The following TMEFF2 variants were observed in gnomAD, a reference collection of about 807,000 sequenced individuals.
TMEFF2 encodes tomoregulin-2.
Under a neutral mutation model 53.8 loss-of-function variants are expected in TMEFF2, and 28 were observed. The observed-to-expected ratio is 0.52, with a 90% CI of 0.39 to 0.71. TMEFF2 has a LOEUF of 0.71. TMEFF2 is among the 30% of genes least tolerant of loss of function. The pLI, the probability that TMEFF2 is intolerant of heterozygous loss-of-function variation, is 0.00. For missense variants in TMEFF2, 353 were observed against 455.2 expected, an observed-to-expected ratio of 0.78 and a Z score of 2.04; for synonymous variants, 162 against 166.3, an observed-to-expected ratio of 0.97 and a Z score of 0.20.
chr2:192,060,427 C>A (rs1474746035), intron 4 of TMEFF2, among the ~76,000 whole-genome samples: 1 of 152,070 alleles, frequency 6.6e-6, no homozygotes, highest in Non-Finnish European at 1.5e-5. Context: ...AACCTTTTAG[C>A]GGGTGGTGAA....
chr2:192,058,033 G>T (rs1687953624), intron 4 of TMEFF2, among the ~76,000 whole-genome samples: 1 of 152,072 alleles, frequency 6.6e-6, no homozygotes, highest in South Asian at 2.1e-4. Context: ...TGAGTTTATT[G>T]GATTCATCAA....
At chr2:192,128,811 A>G (rs1387813752) in intron 4 of TMEFF2, among the ~76,000 whole-genome samples, 2 of 152,222 alleles carry the variant, frequency 1.3e-5, no homozygotes, top group Non-Finnish European at 2.9e-5. Context: ...CCAAATGTTG[A>G]AAGAGAAAGC....
intron 5 of TMEFF2, among the ~76,000 whole-genome samples, chr2:192,030,130 T>C (rs1043119869): frequency 2.0e-5 from 3 of 152,194 alleles, no homozygotes; most frequent in Non-Finnish European, 2.9e-5. Flanking sequence ...AAAATAAGGT[T>C]ATTCTCAGAA....
At chr2:192,171,142 T>G (rs576907954) in intron 4 of TMEFF2, among the ~76,000 whole-genome samples, 5 of 152,010 alleles carry the variant, frequency 3.3e-5, no homozygotes, top group Non-Finnish European at 5.9e-5. Flanking sequence ...AAGAAGGATA[T>G]CTTAAATAAA....
At chr2:192,030,978 T>C (rs1267769704) in intron 5 of TMEFF2, among the ~76,000 whole-genome samples, 1 of 152,112 alleles carries the variant, frequency 6.6e-6, no homozygotes, top group Non-Finnish European at 1.5e-5. Context: ...AACAGATACC[T>C]AAAATAGAGT....
At chr2:192,017,818 A>T (rs1256408905) in intron 5 of TMEFF2, among the ~76,000 whole-genome samples, 1 of 152,214 alleles carries the variant, frequency 6.6e-6, no homozygotes, top group African/African-American at 2.4e-5. Flanking sequence ...TGGGTGTCTC[A>T]TAGGCACCAT....
In TMEFF2 at chr2:191,949,891, T is replaced by TGAGTC. The variant is rs1691817103; in HGVS notation, c.*415_*419dup. The TGAGTC allele has an allele frequency of 1.2e-5, 12 of 987,896 alleles. No individual in the cohort carries two copies. The South Asian group carries it at 3.3e-4, about 27-fold the overall frequency. The allele number at this position is 987,896 out of a possible 1,614,324, so 61.2% of individuals were successfully genotyped here. ...TTGGAATCATTCAAAACCTAGCCAC[T>TGAGTC]GAGTCCTGTACGAACTAATGTGCTG... On this transcript the variant is annotated 3_prime_UTR_variant, in exon 10 of 10. Transcript: ENST00000272771.
intron 7 of TMEFF2, among the ~76,000 whole-genome samples, chr2:191,969,660 A>G (rs893247304): frequency 4.6e-5 from 7 of 152,180 alleles, no homozygotes; most frequent in Admixed American, 3.9e-4. Flanking sequence ...AGAAATGGCA[A>G]TGAGAGAATT....
In TMEFF2 at chr2:192,039,998, A is replaced by C. The variant is rs139621118; in HGVS notation, c.536+17681T>G. 2.8e-3 allele frequency among the ~76,000 whole-genome samples: 427 copies of C among 152,256 alleles called. 3 individuals are homozygous for C. Among genetic ancestry groups the C allele is most frequent in the African/African-American group, 9.8e-3 (408 of 41,572 alleles). On this transcript the variant is annotated intron_variant, in intron 5 of 9. Coordinates refer to ENST00000272771, the MANE Select transcript of TMEFF2 (RefSeq NM_016192.4). Reference sequence around the variant, plus strand: ...TCACCTACAATTTTACAAGTTTATCAGTAATAAATTATATTAAGTTCCAAT... The same window carrying C: ...TCACCTACAATTTTACAAGTTTATCCGTAATAAATTATATTAAGTTCCAAT...
At chr2:192,169,498 G>C (rs1022375108) in intron 4 of TMEFF2, among the ~76,000 whole-genome samples, 5 of 152,090 alleles carry the variant, frequency 3.3e-5, no homozygotes, top group African/African-American at 1.2e-4. Flanking sequence ...CTGTTGGGAA[G>C]ACTAATTTTT....
At chr2:192,189,244 G>T (rs1691399099) in intron 2 of TMEFF2, among the ~76,000 whole-genome samples, 1 of 152,016 alleles carries the variant, frequency 6.6e-6, no homozygotes, top group African/African-American at 2.4e-5. Context: ...CTCTCAGCTA[G>T]AAAGACTATA....
chr2:192,053,380 C>A (rs1271443890), intron 5 of TMEFF2, among the ~76,000 whole-genome samples: 1 of 152,130 alleles, frequency 6.6e-6, no homozygotes, highest in Admixed American at 6.5e-5. Context: ...CTTGAAAGTA[C>A]TTAAGAATGT....
intron 8 of TMEFF2, among the ~76,000 whole-genome samples, chr2:191,954,801 C>T (rs1435314121): frequency 6.6e-6 from 1 of 152,144 alleles, no homozygotes; most frequent in East Asian, 1.9e-4. Context: ...ACTCAACCCT[C>T]ATGGAAAGCT....
chr2:192,113,065 T>G (rs191023888), intron 4 of TMEFF2, among the ~76,000 whole-genome samples: 16 of 152,310 alleles, frequency 1.1e-4, no homozygotes, highest in African/African-American at 3.6e-4. Flanking sequence ...GATCTGAAAA[T>G]CTATATTTTG....
intron 8 of TMEFF2, among the ~76,000 whole-genome samples, chr2:191,954,424 A>C (rs746196980): frequency 3.9e-5 from 6 of 152,166 alleles, no homozygotes; most frequent in Non-Finnish European, 7.3e-5. Context: ...ATATAGAGAG[A>C]TAATACATGT....
chr2:192,062,427 C>T (rs1226041933), intron 4 of TMEFF2, among the ~76,000 whole-genome samples: 1 of 152,116 alleles, frequency 6.6e-6, no homozygotes, highest in African/African-American at 2.4e-5. Flanking sequence ...TTTTCAGTTA[C>T]TGACTGGAAA....
Position 192,161,675 on chromosome 2 carries a change from C to T in TMEFF2, c.439+17993G>A, listed in dbSNP as rs192431252. Among the ~76,000 whole-genome samples the T allele has an allele frequency of 2.3e-4, 35 of 152,280 alleles. No individual in the cohort carries two copies. The East Asian group carries it at 6.8e-3, about 29-fold the overall frequency. ...TGTCCTTTTCTTCTGTTAAAGAAAA[C>T]AGGCTTTGGAGCCATCCTTTCCCCA... On this transcript the variant is annotated intron_variant, in intron 4 of 9. Transcript: ENST00000272771.
At chr2:192,079,692 T>A (rs1213094446) in intron 4 of TMEFF2, among the ~76,000 whole-genome samples, 2 of 152,268 alleles carry the variant, frequency 1.3e-5, no homozygotes, top group Non-Finnish European at 2.9e-5. Context: ...CAGTCATTTC[T>A]TTATCTAAAC....
intron 4 of TMEFF2, among the ~76,000 whole-genome samples, chr2:192,108,554 A>T (rs1319703625): frequency 6.6e-6 from 1 of 151,942 alleles, no homozygotes; most frequent in African/African-American, 2.4e-5. Context: ...CTGAATTAAT[A>T]CTATACTTGA....
Sources: allele counts gnomAD v4.1 joint callset (sites outside exome capture counted in the v4.1 genomes callset), GRCh38; gene constraint gnomAD v4.1.1; transcripts MANE v1.5; gene names NCBI Gene and HGNC (gene_info 2026-07-23, HGNC 2026-07-21).